ARSB: variants seen among roughly 807,000 people sequenced by gnomAD.
ARSB encodes arylsulfatase B.
ARSB carries 41 observed loss-of-function variants against 50.9 expected under a neutral mutation model. That is an observed-to-expected ratio of 0.81 (90% CI 0.63 to 1.04). ARSB has a LOEUF of 1.04. ARSB is among the 50% of genes least tolerant of loss of function. The pLI, the probability that ARSB is intolerant of heterozygous loss-of-function variation, is 0.00. For synonymous variants in ARSB, 269 were observed against 284.8 expected (o/e 0.94, Z 0.56); for missense variants, 672 against 693.3 (o/e 0.97, Z 0.35).
chr5:78,942,183 A>G (rs1227106369), intron 4 of ARSB, among the ~76,000 whole-genome samples: 2 of 151,566 alleles, frequency 1.3e-5, no homozygotes, highest in Admixed American at 6.6e-5. Flanking sequence ...TTTCTTCTTT[A>G]TTAGTCTTGC....
chr5:78,978,352 A>C (rs1043115417), intron 1 of ARSB, among the ~76,000 whole-genome samples: 25 of 130,628 alleles, frequency 1.9e-4, no homozygotes, highest in African/African-American at 3.1e-4. Context: ...AAAAAAAAAA[A>C]CCCTCTAAAT....
chr5:78,951,203 AC>A (rs1297673567), intron 4 of ARSB, among the ~76,000 whole-genome samples: 1 of 151,998 alleles, frequency 6.6e-6, no homozygotes. Context: ...ACATAGCAAG[AC>A]CCTATCTTTA....
intron 5 of ARSB, among the ~76,000 whole-genome samples, chr5:78,877,419 C>T (rs1165781700): frequency 2.6e-5 from 4 of 152,110 alleles, no homozygotes; most frequent in African/African-American, 9.7e-5. Context: ...GGCAGGGTCT[C>T]AGTCTGTTGC....
chr5:78,818,801 C>T (rs548792876), intron 6 of ARSB, among the ~76,000 whole-genome samples: 1 of 152,034 alleles, frequency 6.6e-6, no homozygotes, highest in Admixed American at 6.5e-5. Flanking sequence ...AAGTGTCTTG[C>T]TTGATCTCCT....
At chr5:78,841,159 C>CTAATAATAATAATAA (rs1491359597) in intron 5 of ARSB, among the ~76,000 whole-genome samples, 8 of 94,158 alleles carry the variant, frequency 8.5e-5, no homozygotes, top group Admixed American at 2.4e-4. Flanking sequence ...ACTACTACTA[C>CTAATAATAATAATAA]TACTACTACT....
chr5:78,941,224 C>G (rs1216535125), intron 4 of ARSB, among the ~76,000 whole-genome samples: 4 of 151,406 alleles, frequency 2.6e-5, no homozygotes, highest in Admixed American at 6.6e-5. Context: ...ATCATGTCAT[C>G]TGCAAACAGG....
intron 6 of ARSB, among the ~76,000 whole-genome samples, chr5:78,791,312 A>G (rs1749230053): frequency 1.3e-5 from 2 of 152,204 alleles, no homozygotes; most frequent in African/African-American, 4.8e-5. Flanking sequence ...TTGTACTTAA[A>G]AGTTCCTAAA....
chr5:78,833,105 T>C (rs1375421908), intron 6 of ARSB, among the ~76,000 whole-genome samples: 1 of 152,224 alleles, frequency 6.6e-6, no homozygotes, highest in Non-Finnish European at 1.5e-5. Context: ...CCTTGTGGTC[T>C]GAGCCATGCT....
chr5:78,964,284 G>T, intron 3 of ARSB, 132 bp downstream of exon 3: 1 of 903,362 alleles, frequency 1.1e-6, no homozygotes, highest in Non-Finnish European at 1.7e-6. Context: ...CTGGGATACT[G>T]TATAATTTGA....
intron 6 of ARSB, among the ~76,000 whole-genome samples, chr5:78,800,006 T>C (rs969229825): frequency 2.6e-5 from 4 of 152,164 alleles, no homozygotes; most frequent in Admixed American, 6.5e-5. Flanking sequence ...CAGAGTTGGC[T>C]TTCTGAATGA....
At chr5:78,813,304 T>C (rs1001157710) in intron 6 of ARSB, among the ~76,000 whole-genome samples, 3 of 152,094 alleles carry the variant, frequency 2.0e-5, no homozygotes, top group African/African-American at 4.8e-5. Flanking sequence ...CCTCAGGAGA[T>C]CCACCCACCT....
At chr5:78,973,346 A>G (rs769944198) in intron 1 of ARSB, among the ~76,000 whole-genome samples, 9 of 152,182 alleles carry the variant, frequency 5.9e-5, no homozygotes, top group Non-Finnish European at 1.2e-4. Flanking sequence ...TCTTCTCTCA[A>G]AAAACAACTT....
At chr5:78,825,513 T>A (rs1309169019) in intron 6 of ARSB, among the ~76,000 whole-genome samples, 1 of 152,222 alleles carries the variant, frequency 6.6e-6, no homozygotes, top group African/African-American at 2.4e-5. Flanking sequence ...AACATTTGTT[T>A]TTTAAAACAT....
intron 4 of ARSB, among the ~76,000 whole-genome samples, chr5:78,924,388 C>T (rs1031347594): frequency 5.3e-5 from 8 of 152,328 alleles, no homozygotes; most frequent in African/African-American, 1.9e-4. Context: ...CATTGTGCTA[C>T]ACAGTCTCTC....
At chr5:78,854,585 T>C (rs950747791) in intron 5 of ARSB, among the ~76,000 whole-genome samples, 7 of 152,238 alleles carry the variant, frequency 4.6e-5, no homozygotes, top group Non-Finnish European at 8.8e-5. Context: ...GGAAAGATAT[T>C]TGAGATCATT....
rs181548910 is a variant in ARSB at position 78,927,986 on chromosome 5, G to C, written c.898+27309C>G. ...AAGAGACCAAGGCAGCCAGGCCTCT[G>C]TGCATTCTTAGGAGTGCAGACTCCA... is the stretch of plus-strand genomic sequence containing the variant. On this transcript the variant is annotated intron_variant, in intron 4 of 7. Coordinates refer to ENST00000264914, the MANE Select transcript of ARSB (RefSeq NM_000046.5). Among the ~76,000 whole-genome samples the C allele has an allele frequency of 3.7e-4, 56 of 152,306 alleles. 1 individual carries two copies. In the East Asian group the frequency reaches 0.01, roughly 28 times the overall value.
Position 78,780,599 on chromosome 5 carries a change from G to A in ARSB, c.1400C>T (p.Pro467Leu). The part of the protein sequence containing the change: ...YNVSEIPSSD[P>L]PTKTLWLFDI... ...AAAGAGCCAGAGGGTCTTGGTTGGT[G>A]GGTCTGATGAGGGTATCTCAGAAAC... is the stretch of plus-strand genomic sequence containing the variant. The change falls in exon 8 of 8, where the codon CCA becomes CTA. Residue 467 changes from proline to leucine, a missense_variant. Transcript: ENST00000264914. 2 of 1,614,152 alleles carry A rather than the reference G, an allele frequency of 1.2e-6. No homozygotes were observed. Among genetic ancestry groups the A allele is most frequent in the South Asian group, 1.1e-5 (1 of 91,078 alleles).
intron 5 of ARSB, among the ~76,000 whole-genome samples, chr5:78,855,949 C>T (rs961288576): frequency 6.6e-6 from 1 of 152,070 alleles, no homozygotes. Context: ...TCTTGTGCAC[C>T]ACTGTGCTCC....
intron 4 of ARSB, among the ~76,000 whole-genome samples, chr5:78,949,731 G>A (rs1013733588): frequency 5.9e-4 from 90 of 152,214 alleles, no homozygotes; most frequent in African/African-American, 2.0e-3. Context: ...CCAACATGGC[G>A]AAACCTTGTC....
Sources: allele counts gnomAD v4.1 joint callset (sites outside exome capture counted in the v4.1 genomes callset), GRCh38; gene constraint gnomAD v4.1.1; transcripts MANE v1.5; gene names NCBI Gene and HGNC (gene_info 2026-07-23, HGNC 2026-07-21).